Variants in ADCY6 observed in about 807,000 individuals in gnomAD.
ADCY6 encodes the protein adenylate cyclase type 6.
Under a neutral mutation model 111.6 loss-of-function variants are expected in ADCY6, and 59 were observed. The ratio of observed to expected loss-of-function variants is 0.53; its 90% CI spans 0.43 to 0.66. The LOEUF is 0.66. Ranked by LOEUF, ADCY6 falls within the 30% of genes least tolerant of loss-of-function variation. The pLI, the probability that ADCY6 is intolerant of heterozygous loss-of-function variation, is 0.00. For synonymous variants in ADCY6, 576 were observed against 642.9 expected (o/e 0.90, Z 1.57); for missense variants, 1,242 against 1,595.6 (o/e 0.78, Z 3.78).
Position 48,777,553 on chromosome 12 carries a change from C to T in ADCY6, c.1137-32G>A, listed in dbSNP as rs139858954. 2.7e-5 allele frequency: 44 copies of T among 1,612,740 alleles called. No homozygotes were observed. In the African/African-American group the frequency reaches 5.0e-4, roughly 18 times the overall value. On this transcript the variant is annotated intron_variant, in intron 4 of 21. Transcript: ENST00000357869. This position sits in a 1 kb window ranked among gnomAD's most constrained non-coding sequence, Gnocchi z 4.9. ...ATGACAGCAGAGGATGAACAGAACA[C>T]ATAGCCCTCAAAGACTTCCAGACCC...
At chr12:48,780,996 C>T (rs544533472) in intron 2 of ADCY6, among the ~76,000 whole-genome samples, 1 of 152,110 alleles carries the variant, frequency 6.6e-6, no homozygotes, top group Non-Finnish European at 1.5e-5. Context: ...GTCAAGAGAT[C>T]GAGACCATCC....
At position 48,767,957 on chromosome 12, in the gene ADCY6, G is replaced by A. The variant is rs1259877043; in HGVS notation, c.*634C>T. On this transcript the variant is annotated 3_prime_UTR_variant, in exon 22 of 22. Coordinates refer to ENST00000357869, the MANE Select transcript of ADCY6 (RefSeq NM_015270.5). ...CAGAGGTCCCTTTGTTCCCCTTTGG[G>A]GACAGATCATGGGACTAAGATTTGG... 1 of 155,472 alleles carries A rather than the reference G, an allele frequency of 6.4e-6. No individual in the cohort carries two copies. The highest frequency in any genetic ancestry group is 2.4e-5 in the African/African-American group (1 of 41,440). 9.6% of individuals were successfully genotyped at this position (155,472 alleles called of 1,614,324 possible). A position where few individuals can be genotyped will look rare whatever the true frequency, so the allele number is the denominator to read the frequency against.
Position 48,777,594 on chromosome 12 carries a change from AT to A in ADCY6, c.1136+20del. On this transcript the variant is annotated intron_variant, in intron 4 of 21. Transcript: ENST00000357869. The surrounding 1 kb of genome is among the most constrained non-coding windows in gnomAD (Gnocchi z 4.9). ...TTCCAGACCCCCCGCCCTGCTGGGC[AT>A]CCTCCTACCCTCACCCTACCTGACA... The A allele has an allele frequency of 1.2e-6, 2 of 1,613,170 alleles. No homozygotes were observed. Among genetic ancestry groups the A allele is most frequent in the Non-Finnish European group, 1.7e-6 (2 of 1,179,984 alleles).
intron 14 of ADCY6, 151 bp from the exon 15 acceptor site, chr12:48,774,249 G>T: frequency 1.9e-6 from 2 of 1,072,194 alleles, no homozygotes; most frequent in Non-Finnish European, 2.7e-6. Context: ...GAGGTTGGGA[G>T]AACAAGGAAG....
intron 14 of ADCY6, 84 bp downstream of exon 14, chr12:48,774,318 T>C (rs780601260): frequency 3.1e-4 from 426 of 1,373,932 alleles, no homozygotes; most frequent in Non-Finnish European, 3.0e-4. Flanking sequence ...GCAGAAAATA[T>C]GTCCTTTTCT....
chr12:48,781,450 C>T (rs532093369), intron 2 of ADCY6, among the ~76,000 whole-genome samples: 7 of 152,284 alleles, frequency 4.6e-5, no homozygotes, highest in East Asian at 1.9e-4. Context: ...CCTACAGCAG[C>T]GCCTGAAGGA....
chr12:48,771,577 G>T lies in ADCY6; in HGVS notation c.3051+133C>A. On this transcript the variant is annotated intron_variant, in intron 19 of 21. Coordinates refer to ENST00000357869, the MANE Select transcript of ADCY6 (RefSeq NM_015270.5). The surrounding 1 kb of genome is among the most constrained non-coding windows in gnomAD (Gnocchi z 4.3). ...GGGTTCTTGCCTCTGCCTCCACTGTGCATACCCTTACCCCTGATGACTCTG... is the reference window on the plus strand; with the variant it reads ...GGGTTCTTGCCTCTGCCTCCACTGTTCATACCCTTACCCCTGATGACTCTG... 7.0e-7 allele frequency: 1 copy of T among 1,433,346 alleles called. No individual in the cohort carries two copies. The highest frequency in any genetic ancestry group is 9.7e-7 in the Non-Finnish European group (1 of 1,031,808). 88.8% of individuals were successfully genotyped at this position (1,433,346 alleles called of 1,614,324 possible).
chr12:48,769,020 G>A lies in ADCY6; in HGVS notation c.3298C>T (p.Arg1100Trp), dbSNP rs546108808. 22 of 1,613,508 alleles carry A rather than the reference G, an allele frequency of 1.4e-5. No individual in the cohort carries two copies. Among genetic ancestry groups the A allele is most frequent in the South Asian group, 2.2e-5 (2 of 90,942 alleles). The change falls in exon 21 of 22, where the codon CGG becomes TGG. Residue 1100 changes from arginine (R) to tryptophan (W), a missense_variant. By Grantham distance (101) the Arg-to-Trp change is moderately radical. Transcript: ENST00000357869. ...GPVVAGVIGA[R>W]KPQYDIWGNT... is the part of the protein sequence containing the mutation. ...CCCCAGATGTCATACTGTGGCTTCC[G>A]AGCCCCGATGACACCTGCCACGACT...
chr12:48,775,101 G>A (rs1941660512), intron 11 of ADCY6, 47 bp from the exon 12 acceptor site: 1 of 1,512,758 alleles, frequency 6.6e-7, no homozygotes, highest in South Asian at 1.2e-5. Context: ...CCCTAAGGAA[G>A]GCAGGGACAG....
In ADCY6 at chr12:48,767,461, C is replaced by T. The variant is rs1446163922; in HGVS notation, c.*1130G>A. The T allele has an allele frequency of 1.3e-5, 2 of 152,886 alleles. No homozygotes were observed. Among genetic ancestry groups the T allele is most frequent in the Non-Finnish European group, 2.9e-5 (2 of 68,264 alleles). 9.5% of individuals were successfully genotyped at this position (152,886 alleles called of 1,614,324 possible). A position where few individuals can be genotyped will look rare whatever the true frequency, so the allele number is the denominator to read the frequency against. ...ACAGAGGCCCACAGGAGAGAGGCAA[C>T]CTGGGGTGGAGAGCTGAGGAGCAGG... On this transcript the variant is annotated 3_prime_UTR_variant, in exon 22 of 22. Coordinates refer to ENST00000357869, the MANE Select transcript of ADCY6 (RefSeq NM_015270.5).
chr12:48,788,296 A>G (rs1027932818), intron 1 of ADCY6, among the ~76,000 whole-genome samples: 7 of 152,138 alleles, frequency 4.6e-5, no homozygotes, highest in African/African-American at 1.7e-4. Flanking sequence ...CACAGGGGTA[A>G]TCTGGTAAGG....
At chr12:48,772,211 C>T (rs1250565787) in intron 18 of ADCY6, 84 bp downstream of exon 18, 2 of 1,522,488 alleles carry the variant, frequency 1.3e-6, no homozygotes, top group African/African-American at 2.8e-5. Flanking sequence ...TGAGCCTTAG[C>T]CAGCTAGCAC....
chr12:48,771,058 G>A lies in ADCY6; in HGVS notation c.3052-88C>T. The A allele has an allele frequency of 7.5e-7, 1 of 1,331,642 alleles. No individual in the cohort carries two copies. The highest frequency in any genetic ancestry group is 1.0e-6 in the Non-Finnish European group (1 of 960,074). 82.5% of individuals were successfully genotyped at this position (1,331,642 alleles called of 1,614,324 possible). A position where few individuals can be genotyped will look rare whatever the true frequency, so the allele number is the denominator to read the frequency against. On this transcript the variant is annotated intron_variant, in intron 19 of 21. Transcript: ENST00000357869. This position sits in a 1 kb window ranked among gnomAD's most constrained non-coding sequence, Gnocchi z 4.3. The stretch of plus-strand genomic sequence containing the variant: ...ACTCATTTCTTGCCACGCCTTGGCT[G>A]CCTTCCCCACTTCCCTGTCTCAAGA...
chr12:48,773,429 G>T, intron 16 of ADCY6, 40 bp downstream of exon 16: 1 of 1,596,322 alleles, frequency 6.3e-7, no homozygotes, highest in Non-Finnish European at 8.6e-7. Context: ...AAAGGTGAGG[G>T]AAGCTCCTGG....
chr12:48,769,728 A>G (rs1430625282), intron 20 of ADCY6, among the ~76,000 whole-genome samples: 2 of 149,738 alleles, frequency 1.3e-5, no homozygotes, highest in Admixed American at 6.7e-5. Context: ...CTGGGATTAC[A>G]GACATGTACC....
At chr12:48,780,048 G>T (rs749005179) in intron 2 of ADCY6, among the ~76,000 whole-genome samples, 8 of 152,152 alleles carry the variant, frequency 5.3e-5, no homozygotes, top group Non-Finnish European at 1.2e-4. Context: ...TCCCTTGGGG[G>T]TTTCTAAGAA....
intron 1 of ADCY6, among the ~76,000 whole-genome samples, chr12:48,787,568 G>A (rs1046331087): frequency 6.6e-5 from 10 of 152,118 alleles, no homozygotes; most frequent in Admixed American, 3.9e-4. Flanking sequence ...AGGAAACAGG[G>A]TAGAGCACTG....
intron 21 of ADCY6, 82 bp from the exon 22 acceptor site, chr12:48,768,798 C>G: frequency 6.4e-7 from 1 of 1,569,830 alleles, no homozygotes; most frequent in Non-Finnish European, 8.7e-7. Context: ...TCTAGTCAGG[C>G]TAGCTCCCTT....
intron 1 of ADCY6, among the ~76,000 whole-genome samples, chr12:48,785,311 A>C (rs1381872453): frequency 6.6e-6 from 1 of 152,216 alleles, no homozygotes; most frequent in Non-Finnish European, 1.5e-5. Context: ...CACAACCCTT[A>C]GAAGGACCTA....
Sources: allele counts gnomAD v4.1 joint callset (sites outside exome capture counted in the v4.1 genomes callset), GRCh38; gene constraint gnomAD v4.1.1; non-coding constraint Gnocchi (gnomAD v3.1); transcripts MANE v1.5; gene names NCBI Gene and HGNC (gene_info 2026-07-23, HGNC 2026-07-21).